Variants in VEPH1 observed in about 807,000 individuals in gnomAD.
VEPH1 encodes the protein ventricular zone expressed PH domain containing 1, also known as ventricular zone-expressed PH domain-containing protein homolog 1.
Under a neutral mutation model 85.2 loss-of-function variants are expected in VEPH1, and 80 were observed. The observed-to-expected ratio is 0.94, with a 90% CI of 0.78 to 1.13. VEPH1 has a LOEUF of 1.13. VEPH1 is among the 50% of genes most tolerant of loss of function. The pLI, the probability that VEPH1 is intolerant of heterozygous loss-of-function variation, is 0.00. For missense variants in VEPH1, 955 were observed against 980.5 expected (o/e 0.97, Z 0.35); for synonymous variants, 297 against 348.0 (o/e 0.85, Z 1.63).
chr3:157,356,633 A>G (rs1284534550), intron 9 of VEPH1, among the ~76,000 whole-genome samples: 2 of 152,146 alleles, frequency 1.3e-5, no homozygotes, highest in African/African-American at 4.8e-5. Context: ...ATCTCTTTTC[A>G]GTTTCCTGGC....
chr3:157,409,111 T>C (rs1451949622), intron 6 of VEPH1, among the ~76,000 whole-genome samples: 3 of 152,236 alleles, frequency 2.0e-5, no homozygotes, highest in East Asian at 1.9e-4. Flanking sequence ...TTTTTTAATA[T>C]GCCAGGAACT....
intron 2 of VEPH1, among the ~76,000 whole-genome samples, chr3:157,488,852 A>G (rs989664858): frequency 2.0e-5 from 3 of 150,056 alleles, no homozygotes; most frequent in East Asian, 2.0e-4. Flanking sequence ...GGTCGTCTTC[A>G]TCTTAATTAT....
intron 4 of VEPH1, chr3:157,437,597 T>C: frequency 1.3e-6 from 2 of 1,578,344 alleles, no homozygotes; most frequent in East Asian, 4.7e-5. Flanking sequence ...AGAGAGCGCA[T>C]GCTGCTGCAA....
chr3:157,388,839 T>G (rs10936087), intron 6 of VEPH1, among the ~76,000 whole-genome samples: 101,868 of 152,022 alleles, frequency 0.67, 34,469 homozygotes, highest in East Asian at 0.79. Context: ...GATGTGCATA[T>G]GTTGTATGCA....
chr3:157,463,407 C>A (rs936103959), intron 3 of VEPH1, among the ~76,000 whole-genome samples: 2 of 152,172 alleles, frequency 1.3e-5, no homozygotes, highest in Admixed American at 6.6e-5. Flanking sequence ...AGGTCTCTGG[C>A]CTATCCATCC....
At chr3:157,345,846 A>T (rs890127098) in intron 9 of VEPH1, among the ~76,000 whole-genome samples, 5 of 152,250 alleles carry the variant, frequency 3.3e-5, no homozygotes, top group Non-Finnish European at 7.3e-5. Context: ...AATACTATGC[A>T]GCCATAAAAA....
chr3:157,456,948 A>G (rs950424422), intron 4 of VEPH1, among the ~76,000 whole-genome samples: 3 of 152,112 alleles, frequency 2.0e-5, no homozygotes, highest in Non-Finnish European at 4.4e-5. Context: ...TATTGAATCT[A>G]TAAATTACTT....
intron 9 of VEPH1, among the ~76,000 whole-genome samples, chr3:157,348,933 A>T (rs1724542525): frequency 6.6e-6 from 1 of 152,250 alleles, no homozygotes; most frequent in East Asian, 1.9e-4. Flanking sequence ...TTAAAGAAGA[A>T]TTAATACCAA....
At chr3:157,323,244 T>C (rs1721540094) in intron 9 of VEPH1, among the ~76,000 whole-genome samples, 1 of 152,188 alleles carries the variant, frequency 6.6e-6, no homozygotes, top group Admixed American at 6.5e-5. Flanking sequence ...AAAAACAAAA[T>C]TAGATTCTCA....
intron 6 of VEPH1, among the ~76,000 whole-genome samples, chr3:157,412,862 A>C (rs990360212): frequency 1.3e-5 from 2 of 152,194 alleles, no homozygotes; most frequent in African/African-American, 4.8e-5. Flanking sequence ...CAGAAGAAAT[A>C]TAATCAAACA....
intron 11 of VEPH1, among the ~76,000 whole-genome samples, chr3:157,292,422 T>TG (rs1486830102): frequency 6.6e-6 from 1 of 152,168 alleles, no homozygotes; most frequent in Non-Finnish European, 1.5e-5. Flanking sequence ...TCAGGTATGG[T>TG]GGCTCAAACC....
chr3:157,410,416 C>T (rs766192610), intron 6 of VEPH1, among the ~76,000 whole-genome samples: 1 of 152,144 alleles, frequency 6.6e-6, no homozygotes, highest in Non-Finnish European at 1.5e-5. Flanking sequence ...TGGGCATCTG[C>T]CTTCATGCCC....
At chr3:157,271,214 T>G (rs1714510963) in intron 12 of VEPH1, among the ~76,000 whole-genome samples, 1 of 151,968 alleles carries the variant, frequency 6.6e-6, no homozygotes, top group Non-Finnish European at 1.5e-5. Flanking sequence ...ATATTGGACT[T>G]TATGGGAAAG....
intron 4 of VEPH1, among the ~76,000 whole-genome samples, chr3:157,436,056 C>T (rs1315990912): frequency 1.3e-5 from 2 of 152,116 alleles, no homozygotes; most frequent in South Asian, 2.1e-4. Context: ...GCGGGTGGAT[C>T]GCCTGAGGTC....
chr3:157,387,770 G>A (rs982775540), intron 6 of VEPH1, among the ~76,000 whole-genome samples: 2 of 152,186 alleles, frequency 1.3e-5, no homozygotes, highest in Admixed American at 1.3e-4. Flanking sequence ...CTAATGCCAC[G>A]TAAATCTCTC....
At chr3:157,455,075 T>C (rs1343173361) in intron 4 of VEPH1, among the ~76,000 whole-genome samples, 1 of 152,170 alleles carries the variant, frequency 6.6e-6, no homozygotes, top group African/African-American at 2.4e-5. Context: ...GTCTTTTTGG[T>C]AGAAGGATTT....
Position 157,481,433 on chromosome 3 carries a change from A to AAC in VEPH1, c.139-10906_139-10905dup, listed in dbSNP as rs1177654727. ...CTATTCTAAAATTCATATGGAACCA[A>AAC]ACACACACACACACACACACACACA... On this transcript the variant is annotated intron_variant, in intron 2 of 13. Transcript: ENST00000362010. Among the ~76,000 whole-genome samples, 342 of 38,666 alleles carry AAC rather than the reference A, an allele frequency of 8.8e-3. 10 individuals are homozygous for AAC. Among genetic ancestry groups the AAC allele is most frequent in the East Asian group, 0.037 (34 of 920 alleles). The allele number at this position is 38,666 out of a possible 152,430, so 25.4% of individuals were successfully genotyped here. A position where few individuals can be genotyped will look rare whatever the true frequency, so the allele number is the denominator to read the frequency against.
At chr3:157,482,203 T>C (rs572636260) in intron 2 of VEPH1, among the ~76,000 whole-genome samples, 1 of 139,512 alleles carries the variant, frequency 7.2e-6, no homozygotes, top group East Asian at 2.1e-4. Flanking sequence ...CCTAATATTG[T>C]GAAAAATGAT....
chr3:157,287,777 C>T (rs1716969704), intron 11 of VEPH1, among the ~76,000 whole-genome samples: 1 of 152,122 alleles, frequency 6.6e-6, no homozygotes, highest in Non-Finnish European at 1.5e-5. Flanking sequence ...GTTGGCCAGG[C>T]TGGTCTCCAA....
Sources: gnomAD v4.1 joint callset for allele counts (sites outside exome capture counted in the v4.1 genomes callset) on GRCh38, gnomAD v4.1.1 for gene constraint, MANE v1.5 for transcripts, NCBI Gene and HGNC (gene_info 2026-07-23, HGNC 2026-07-21) for gene names.